TNRC6B: variants seen among roughly 807,000 people sequenced by gnomAD.
The protein encoded by TNRC6B is trinucleotide repeat-containing gene 6B protein.
In TNRC6B, 52 loss-of-function variants were observed where a neutral mutation model predicts 203.6. The observed-to-expected ratio is 0.26, with a 90% CI of 0.20 to 0.32. The LOEUF (loss-of-function observed/expected upper bound fraction) is 0.32, where lower values mean the gene tolerates loss of function less well. TNRC6B is among the 10% of genes least tolerant of loss of function. TNRC6B has a pLI of 1.00. For missense variants in TNRC6B, 1,923 were observed against 2,286.2 expected, an observed-to-expected ratio of 0.84 and a Z score of 3.24; for synonymous variants, 838 against 845.7, an observed-to-expected ratio of 0.99 and a Z score of 0.16.
chr22:40,227,003 G>A (rs2069795964), intron 1 of TNRC6B, among the ~76,000 whole-genome samples: 1 of 151,810 alleles, frequency 6.6e-6, no homozygotes, highest in South Asian at 2.1e-4. Flanking sequence ...TCCACCTCCT[G>A]GGTTCAAGCC....
At chr22:40,088,582 T>TTTTGTGTG (rs2068120417) in intron 1 of TNRC6B, among the ~76,000 whole-genome samples, 1 of 79,370 alleles carries the variant, frequency 1.3e-5, no homozygotes, top group African/African-American at 4.5e-5. Flanking sequence ...CGGCGGCTAC[T>TTTTGTGTG]TTTGTGTGTG....
intron 1 of TNRC6B, among the ~76,000 whole-genome samples, chr22:40,234,686 A>C (rs1239254567): frequency 6.6e-6 from 1 of 152,186 alleles, no homozygotes; most frequent in African/African-American, 2.4e-5. Context: ...GGCAGGAGAA[A>C]TTTCTTTATC....
intron 1 of TNRC6B, chr22:40,107,091 G>A (rs987850560): frequency 1.3e-5 from 9 of 693,612 alleles, no homozygotes; most frequent in Non-Finnish European, 2.0e-5. Flanking sequence ...AAGAGGGAGG[G>A]TATCTTTTGA....
intron 3 of TNRC6B, among the ~76,000 whole-genome samples, chr22:40,136,427 G>A (rs2068600384): frequency 8.0e-6 from 1 of 125,434 alleles, no homozygotes; most frequent in African/African-American, 2.7e-5. Flanking sequence ...GAGGCAGAGT[G>A]TTGCTCTGTC....
exon 1 of TNRC6B, chr22:40,044,966 A>C (rs2067672786): frequency 6.6e-6 from 1 of 151,070 alleles, no homozygotes; most frequent in Admixed American, 6.6e-5. Flanking sequence ...TCACAGCGAA[A>C]CGCCGCGCAC....
chr22:40,270,231 C>T lies in TNRC6B; in HGVS notation c.2916C>T (p.Thr972=). 6.6e-7 allele frequency: 1 copy of T among 1,521,782 alleles called. No homozygotes were observed. Among genetic ancestry groups the T allele is most frequent in the Non-Finnish European group, 8.9e-7 (1 of 1,129,674 alleles). 94.3% of individuals were successfully genotyped at this position (1,521,782 alleles called of 1,614,324 possible). The change falls in exon 6 of 23, where the codon ACC becomes ACT. Residue 972 remains threonine (T), a synonymous_variant. Coordinates refer to ENST00000454349, the MANE Select transcript of TNRC6B (RefSeq NM_001162501.2). ...WGEMDDTGAS[T]TGWGNTPANA... Reference sequence around the variant, plus strand: ...AGATGGATGATACAGGAGCATCGACCACAGGCTGGGGGAACACGCCCGCCA... The same window carrying T: ...AGATGGATGATACAGGAGCATCGACTACAGGCTGGGGGAACACGCCCGCCA...
chr22:40,146,170 C>T (rs755559947), intron 3 of TNRC6B, among the ~76,000 whole-genome samples: 4 of 152,178 alleles, frequency 2.6e-5, no homozygotes, highest in African/African-American at 4.8e-5. Context: ...GTGAATAAGA[C>T]ATTCAAAGTC....
intron 1 of TNRC6B, among the ~76,000 whole-genome samples, chr22:40,059,834 TTC>T (rs1491346112): frequency 2.3e-4 from 33 of 145,402 alleles, no homozygotes; most frequent in African/African-American, 8.5e-4. Flanking sequence ...TTTTTTTTTT[TTC>T]CCCCCGAGAC....
At chr22:40,270,535 G>A (rs547956804) in intron 6 of TNRC6B, among the ~76,000 whole-genome samples, 10 of 151,974 alleles carry the variant, frequency 6.6e-5, no homozygotes, top group Non-Finnish European at 1.3e-4. Flanking sequence ...GGTCAGGCTG[G>A]TCTTGAACTC....
chr22:40,167,373 G>C (rs2068928854), intron 4 of TNRC6B, among the ~76,000 whole-genome samples: 1 of 152,102 alleles, frequency 6.6e-6, no homozygotes, highest in Non-Finnish European at 1.5e-5. Context: ...AAGGTACTTA[G>C]AGCAGTCAGT....
At chr22:40,166,605 T>C (rs1475138258) in intron 4 of TNRC6B, among the ~76,000 whole-genome samples, 1 of 152,108 alleles carries the variant, frequency 6.6e-6, no homozygotes. Flanking sequence ...TATAAATTTG[T>C]AAAAGTGTTG....
At chr22:40,267,479 A>C (rs1415616382) in intron 5 of TNRC6B, among the ~76,000 whole-genome samples, 1 of 152,228 alleles carries the variant, frequency 6.6e-6, no homozygotes, top group Non-Finnish European at 1.5e-5. Flanking sequence ...GGCCATGATG[A>C]TGCTGAAGCA....
In TNRC6B at chr22:40,321,330, G is replaced by A. The variant is rs2071331336; in HGVS notation, c.5114+101G>A. ...ATTAAAGATGCACCAGAACATATAC[G>A]AAGAATGGCACCGTCACACGTGCAT... On this transcript the variant is annotated intron_variant, in intron 22 of 22. Coordinates refer to ENST00000454349, the MANE Select transcript of TNRC6B (RefSeq NM_001162501.2). The A allele has an allele frequency of 5.1e-6, 7 of 1,380,734 alleles. No homozygotes were observed. In the East Asian group the frequency reaches 7.2e-5, roughly 14 times the overall value. The allele number at this position is 1,380,734 out of a possible 1,614,324, so 85.5% of individuals were successfully genotyped here. A position where few individuals can be genotyped will look rare whatever the true frequency, so the allele number is the denominator to read the frequency against.
intron 3 of TNRC6B, among the ~76,000 whole-genome samples, chr22:40,126,343 A>G (rs2068492857): frequency 6.6e-6 from 1 of 151,956 alleles, no homozygotes; most frequent in African/African-American, 2.4e-5. Context: ...TGATTCCATC[A>G]CTCAGGTAGT....
chr22:40,268,678 G>A lies in TNRC6B; in HGVS notation c.2807-1444G>A, dbSNP rs186795852. Among the ~76,000 whole-genome samples, 888 of 152,052 alleles carry A rather than the reference G, an allele frequency of 5.8e-3. 7 individuals are homozygous for A. The highest frequency in any genetic ancestry group is 0.02 in the African/African-American group (850 of 41,502). On this transcript the variant is annotated intron_variant, in intron 5 of 22. Transcript: ENST00000454349. The stretch of plus-strand genomic sequence containing the variant: ...TGTAATCCCAGCACTTTGGGAGGCC[G>A]AGGCGGACAGATCATGAGGTCAGGA...
intron 15 of TNRC6B, among the ~76,000 whole-genome samples, chr22:40,305,531 C>T (rs1191422374): frequency 6.6e-6 from 1 of 152,212 alleles, no homozygotes; most frequent in Non-Finnish European, 1.5e-5. Flanking sequence ...TCCCAGAATT[C>T]CTTCCATCAA....
In TNRC6B at chr22:40,262,310, T is replaced by C. The variant is rs934591354; in HGVS notation, c.457+137T>C. 1.1e-4 allele frequency: 77 copies of C among 702,728 alleles called. No individual in the cohort carries two copies. The Middle Eastern group carries it at 2.2e-3, about 20-fold the overall frequency. The allele number at this position is 702,728 out of a possible 1,614,324, so 43.5% of individuals were successfully genotyped here. A position where few individuals can be genotyped will look rare whatever the true frequency, so the allele number is the denominator to read the frequency against. On this transcript the variant is annotated intron_variant, in intron 4 of 22. Coordinates refer to ENST00000454349, the MANE Select transcript of TNRC6B (RefSeq NM_001162501.2). ...TTAGTCAAAAGATGAGAGAGGATCC[T>C]AGTATGCGATGTGTATTGGTGATTC... is the stretch of plus-strand genomic sequence containing the variant.
upstream of TNRC6B, among the ~76,000 whole-genome samples, chr22:40,174,550 TA>T (rs2069036948): frequency 6.6e-6 from 1 of 152,230 alleles, no homozygotes; most frequent in Non-Finnish European, 1.5e-5. Flanking sequence ...CTTTGAAAGA[TA>T]ACAGTCATTT....
intron 4 of TNRC6B, among the ~76,000 whole-genome samples, chr22:40,170,067 C>G (rs2068957299): frequency 6.6e-6 from 1 of 150,988 alleles, no homozygotes; most frequent in Non-Finnish European, 1.5e-5. Flanking sequence ...ATTGCTTGAG[C>G]CCGGGAGTTG....
Sources: gnomAD v4.1 joint callset for allele counts (sites outside exome capture counted in the v4.1 genomes callset) on GRCh38, gnomAD v4.1.1 for gene constraint, MANE v1.5 for transcripts, NCBI Gene and HGNC (gene_info 2026-07-23, HGNC 2026-07-21) for gene names.